The following HSPBAP1 variants were observed in gnomAD, a reference collection of about 807,000 sequenced individuals.
HSPBAP1 encodes the protein HSPB1-associated protein 1.
HSPBAP1 carries 27 observed loss-of-function variants against 45.2 expected under a neutral mutation model. The ratio of observed to expected loss-of-function variants is 0.60; its 90% CI spans 0.44 to 0.82. HSPBAP1 has a LOEUF of 0.82. Among genes scored for constraint, HSPBAP1 ranks in the 40% least tolerant of loss-of-function variants. HSPBAP1 has a pLI of 0.00. For synonymous variants in HSPBAP1, 204 were observed against 202.7 expected (o/e 1.01, Z -0.06); for missense variants, 510 against 590.9 (o/e 0.86, Z 1.42).
At chr3:122,792,650 G>T (rs1021734660) in intron 1 of HSPBAP1, among the ~76,000 whole-genome samples, 3 of 151,554 alleles carry the variant, frequency 2.0e-5, no homozygotes, top group African/African-American at 7.3e-5. Context: ...CCACCTCAGC[G>T]GATCACAAGG....
chr3:122,767,596 G>A (rs1934833260), intron 3 of HSPBAP1, among the ~76,000 whole-genome samples: 1 of 151,936 alleles, frequency 6.6e-6, no homozygotes, highest in African/African-American at 2.4e-5. Context: ...AAACAACTAT[G>A]GGGCAAGGTG....
At chr3:122,767,044 A>G (rs1934806971) in intron 3 of HSPBAP1, among the ~76,000 whole-genome samples, 1 of 152,178 alleles carries the variant, frequency 6.6e-6, no homozygotes, top group African/African-American at 2.4e-5. Context: ...TAACTATGAA[A>G]CCTGTAAGTT....
intron 2 of HSPBAP1, among the ~76,000 whole-genome samples, chr3:122,770,874 A>C (rs995578366): frequency 3.3e-4 from 51 of 152,384 alleles, no homozygotes; most frequent in African/African-American, 1.1e-3. Context: ...TAACTCCACT[A>C]TAAGCCTAAA....
chr3:122,771,510 C>G (rs1039682195), intron 2 of HSPBAP1, among the ~76,000 whole-genome samples: 2 of 152,194 alleles, frequency 1.3e-5, no homozygotes, highest in African/African-American at 4.8e-5. Context: ...AAAATAGTTT[C>G]TGCACAACAG....
chr3:122,757,921 G>T (rs1934413167), intron 4 of HSPBAP1, among the ~76,000 whole-genome samples: 2 of 152,186 alleles, frequency 1.3e-5, no homozygotes, highest in African/African-American at 4.8e-5. Context: ...CACAAGGATA[G>T]AGACCACACT....
At chr3:122,758,205 A>C (rs1934427447) in intron 4 of HSPBAP1, among the ~76,000 whole-genome samples, 1 of 152,222 alleles carries the variant, frequency 6.6e-6, no homozygotes, top group African/African-American at 2.4e-5. Context: ...CATGACCAGG[A>C]GAAAAGACTG....
chr3:122,749,577 T>C (rs1934051140), intron 6 of HSPBAP1, among the ~76,000 whole-genome samples: 1 of 152,170 alleles, frequency 6.6e-6, no homozygotes, highest in African/African-American at 2.4e-5. Flanking sequence ...TTAGTAGTAA[T>C]ATTACTATTT....
intron 1 of HSPBAP1, among the ~76,000 whole-genome samples, chr3:122,780,141 CCCCCCCA>C (rs1935364047): frequency 9.2e-5 from 7 of 75,932 alleles, no homozygotes; most frequent in Admixed American, 1.9e-4. Context: ...GGGGAGCTGA[CCCCCCCA>C]CCTCCCTCCT....
chr3:122,791,033 G>GATTTTT (rs1935812786), intron 1 of HSPBAP1, among the ~76,000 whole-genome samples: 1 of 152,010 alleles, frequency 6.6e-6, no homozygotes, highest in Non-Finnish European at 1.5e-5. Context: ...AAATGGTCAC[G>GATTTTT]ATTCTTGAAT....
At position 122,777,732 on chromosome 3, in the gene HSPBAP1, C is replaced by G. The variant is rs752115504; in HGVS notation, c.239G>C (p.Ser80Thr). The stretch of plus-strand genomic sequence containing the variant: ...ACCTATAGTCATACCTGTGCTCATG[C>G]TTTTCATCCCCATTCTGAATCGTAT... ...KQIRFRMGMK[S>T]MSTVPQFETT... Residue 80 changes from serine (S) to threonine (T), a missense_variant, in exon 2 of 8, where the codon AGC (serine) becomes ACC (threonine). Coordinates refer to ENST00000306103, the MANE Select transcript of HSPBAP1 (RefSeq NM_024610.6). 6.2e-7 allele frequency: 1 copy of G among 1,613,072 alleles called. No individual in the cohort carries two copies. The highest frequency in any genetic ancestry group is 8.5e-7 in the Non-Finnish European group (1 of 1,179,346).
At chr3:122,778,052 T>C (rs1415247383) in intron 1 of HSPBAP1, 146 bp from the exon 2 acceptor site, 1 of 628,312 alleles carries the variant, frequency 1.6e-6, no homozygotes, top group Non-Finnish European at 2.8e-6. Flanking sequence ...CTGCTGTTTA[T>C]ATACACATGT....
intron 1 of HSPBAP1, among the ~76,000 whole-genome samples, chr3:122,778,214 TG>T (rs765844569): frequency 0.09 from 6,735 of 74,494 alleles, 212 homozygotes; most frequent in Middle Eastern, 0.17. Flanking sequence ...TAGTTTTTTT[TG>T]TTGTTTTTTT....
chr3:122,768,352 T>A (rs1184465537), intron 3 of HSPBAP1, among the ~76,000 whole-genome samples: 1 of 152,222 alleles, frequency 6.6e-6, no homozygotes, highest in Non-Finnish European at 1.5e-5. Flanking sequence ...TATGCTTTCA[T>A]CTGCCTCACT....
chr3:122,792,574 T>C (rs1314216826), intron 1 of HSPBAP1, among the ~76,000 whole-genome samples: 1 of 152,006 alleles, frequency 6.6e-6, no homozygotes, highest in Non-Finnish European at 1.5e-5. Flanking sequence ...CCTTTTCTGC[T>C]CCCTGACTTC....
intron 6 of HSPBAP1, among the ~76,000 whole-genome samples, chr3:122,747,051 T>C (rs1193510203): frequency 6.6e-6 from 1 of 151,998 alleles, no homozygotes; most frequent in African/African-American, 2.4e-5. Flanking sequence ...AGTGCCGAGA[T>C]TGCAGCCTCT....
At chr3:122,742,172 T>C (rs1311669475) in intron 6 of HSPBAP1, among the ~76,000 whole-genome samples, 1 of 149,188 alleles carries the variant, frequency 6.7e-6, no homozygotes, top group Non-Finnish European at 1.5e-5. Context: ...ATTATTGATA[T>C]ATATACATAT....
chr3:122,764,798 G>GT (rs1029510602), intron 3 of HSPBAP1, among the ~76,000 whole-genome samples: 4 of 152,116 alleles, frequency 2.6e-5, no homozygotes, highest in African/African-American at 7.2e-5. Flanking sequence ...TGCAATTATC[G>GT]TAAGTATCAT....
At chr3:122,789,449 C>T (rs551262398) in intron 1 of HSPBAP1, among the ~76,000 whole-genome samples, 1 of 152,310 alleles carries the variant, frequency 6.6e-6, no homozygotes, top group African/African-American at 2.4e-5. Context: ...CTGAGAGTAA[C>T]ATTTCACATT....
At chr3:122,742,833 T>C (rs925511609) in intron 6 of HSPBAP1, among the ~76,000 whole-genome samples, 3 of 152,226 alleles carry the variant, frequency 2.0e-5, no homozygotes, top group Non-Finnish European at 2.9e-5. Flanking sequence ...TGCCAGCCAC[T>C]ACAATCAAGT....
Sources: gnomAD v4.1 joint callset for allele counts (sites outside exome capture counted in the v4.1 genomes callset) on GRCh38, gnomAD v4.1.1 for gene constraint, MANE v1.5 for transcripts, NCBI Gene and HGNC (gene_info 2026-07-23, HGNC 2026-07-21) for gene names.